ZGPAT: variants seen among roughly 807,000 people sequenced by gnomAD.
The protein encoded by ZGPAT is zinc finger CCCH-type and G-patch domain containing.
Under a neutral mutation model 47.9 loss-of-function variants are expected in ZGPAT, and 39 were observed. The observed-to-expected ratio is 0.81, with a 90% CI of 0.63 to 1.06. The LOEUF (loss-of-function observed/expected upper bound fraction) is 1.06. Ranked by LOEUF, ZGPAT falls within the 50% of genes least tolerant of loss-of-function variation. The probability of loss-of-function intolerance (pLI) is 0.00; values close to 1 mark genes in which losing one functional copy is unlikely to be tolerated. For synonymous variants in ZGPAT, 348 were observed against 292.9 expected (o/e 1.19, Z -1.92); for missense variants, 717 against 681.4 (o/e 1.05, Z -0.58).
In ZGPAT at chr20:63,735,305, G is replaced by A. The variant is rs1601354305; in HGVS notation, c.1138G>A (p.Gly380Arg). Reference sequence around the variant, plus strand: ...CACCAACAAGCCCCCCAGGTGCCGGGGAAGAGGGGCCAGGCCTGGGGGCCG... The same window carrying A: ...CACCAACAAGCCCCCCAGGTGCCGGAGAAGAGGGGCCAGGCCTGGGGGCCG... ...AGTNKPPRCR[G>R]RGARPGGRPA... is the part of the protein sequence containing the mutation. The change falls in exon 6 of 7, where the codon GGA (glycine) becomes AGA (arginine). Residue 380 changes from glycine to arginine, a missense_variant. Coordinates refer to ENST00000355969, the MANE Select transcript of ZGPAT (RefSeq NM_181485.3). 1.3e-6 allele frequency: 2 copies of A among 1,598,192 alleles called. No homozygotes were observed. The highest frequency in any genetic ancestry group is 8.5e-7 in the Non-Finnish European group (1 of 1,172,780).
At chr20:63,730,474 C>T (rs2091886165) in intron 2 of ZGPAT, 1 of 152,280 alleles carries the variant, frequency 6.6e-6, no homozygotes, top group South Asian at 2.1e-4. Context: ...GGCTGAAGGC[C>T]TGTCCTCAGT....
chr20:63,717,279 A>G (rs1309290551), intron 2 of ZGPAT, among the ~76,000 whole-genome samples: 3 of 144,280 alleles, frequency 2.1e-5, no homozygotes, highest in East Asian at 2.0e-4. Context: ...TTTTTCCCCT[A>G]ATTTTTCAAG....
At chr20:63,733,062 ATG>A (rs1258697030) in intron 2 of ZGPAT, among the ~76,000 whole-genome samples, 155 bp from the exon 3 acceptor site, 6 of 151,150 alleles carry the variant, frequency 4.0e-5, no homozygotes, top group East Asian at 1.9e-4. Flanking sequence ...GTGCGTGTGT[ATG>A]TGTGTGCGTG....
intron 2 of ZGPAT, among the ~76,000 whole-genome samples, chr20:63,713,067 GT>G (rs1012509164): frequency 3.4e-4 from 51 of 148,792 alleles, no homozygotes; most frequent in African/African-American, 1.2e-3. Context: ...CTAAGGAATT[GT>G]TTTTCTTTTC....
intron 2 of ZGPAT, among the ~76,000 whole-genome samples, chr20:63,717,346 T>C (rs907302020): frequency 1.2e-4 from 17 of 140,176 alleles, no homozygotes; most frequent in African/African-American, 4.2e-4. Context: ...TTTTTTTTTT[T>C]TTTTTTTTTT....
At chr20:63,712,507 G>C (rs369205224) in intron 2 of ZGPAT, among the ~76,000 whole-genome samples, 4 of 152,148 alleles carry the variant, frequency 2.6e-5, no homozygotes, top group Admixed American at 6.5e-5. Context: ...TTTTAGGATC[G>C]GCTTGTCCAA....
At chr20:63,722,076 G>A (rs566282655) in intron 2 of ZGPAT, among the ~76,000 whole-genome samples, 46 of 151,732 alleles carry the variant, frequency 3.0e-4, no homozygotes, top group Middle Eastern at 6.9e-3. Flanking sequence ...CCAGCCCTGA[G>A]AGAGTTCGAG....
intron 2 of ZGPAT, among the ~76,000 whole-genome samples, chr20:63,714,336 G>A (rs2091703688): frequency 6.6e-6 from 1 of 150,538 alleles, no homozygotes; most frequent in Admixed American, 6.7e-5. Context: ...TGAGACATGA[G>A]AATTGCTTGA....
At chr20:63,720,589 C>T (rs1262186151) in intron 2 of ZGPAT, among the ~76,000 whole-genome samples, 1 of 152,118 alleles carries the variant, frequency 6.6e-6, no homozygotes, top group Non-Finnish European at 1.5e-5. Flanking sequence ...GTAGCTAGAA[C>T]TACAAGCATG....
chr20:63,711,984 G>A (rs151323560), intron 2 of ZGPAT, among the ~76,000 whole-genome samples: 46 of 152,256 alleles, frequency 3.0e-4, no homozygotes, highest in African/African-American at 1.1e-3. Flanking sequence ...TTGATATAGT[G>A]TCCTTTGATG....
upstream of ZGPAT, chr20:63,707,853 A>AGCCTGCGGCCT (rs2091573365): frequency 6.6e-6 from 1 of 152,436 alleles, no homozygotes; most frequent in African/African-American, 2.4e-5. Context: ...CTCACCGCAC[A>AGCCTGCGGCCT]GCCTGCGGCC....
At chr20:63,731,744 G>A (rs6122158) in intron 2 of ZGPAT, among the ~76,000 whole-genome samples, 28,817 of 151,958 alleles carry the variant, frequency 0.19, 3,680 homozygotes, top group East Asian at 0.61. Flanking sequence ...TGTGTAAAGT[G>A]TACAGTTGGC....
intron 2 of ZGPAT, among the ~76,000 whole-genome samples, chr20:63,728,524 C>T (rs187882760): frequency 1.3e-5 from 2 of 152,330 alleles, no homozygotes; most frequent in Admixed American, 1.3e-4. Context: ...TTTCACTTCA[C>T]CCTGGCCTCT....
intron 2 of ZGPAT, among the ~76,000 whole-genome samples, chr20:63,709,797 GCC>G (rs112000427): frequency 1.3e-5 from 2 of 151,990 alleles, no homozygotes; most frequent in African/African-American, 4.8e-5. Context: ...TCCTGCCTCA[GCC>G]CCCCTAGGAG....
chr20:63,710,087 C>T (rs2091648270), intron 2 of ZGPAT, among the ~76,000 whole-genome samples: 1 of 151,860 alleles, frequency 6.6e-6, no homozygotes, highest in African/African-American at 2.4e-5. Flanking sequence ...GTCTCAATCT[C>T]CTGACCTCGT....
intron 2 of ZGPAT, among the ~76,000 whole-genome samples, chr20:63,724,092 A>G (rs527575452): frequency 6.6e-6 from 1 of 151,838 alleles, no homozygotes; most frequent in East Asian, 1.9e-4. Flanking sequence ...GGGACTAGGA[A>G]TGGTGGCTTT....
rs1234140191 is a variant in ZGPAT, at chr20:63,709,094, C to T, written c.514C>T (p.Pro172Ser). The part of the protein sequence containing the change: ...SAGVRVLYLY[P>S]THKSLKPCPF... ...GGGTGTCCGTGTGCTTTACCTGTAC[C>T]CCACTCACAAGTCTCTGAAGCCGTG... The change falls in exon 2 of 7, where the codon CCC becomes TCC. Residue 172 changes from proline (P) to serine (S), a missense_variant. By Grantham distance (74) the Pro-to-Ser change is moderately conservative. Coordinates refer to ENST00000355969, the MANE Select transcript of ZGPAT (RefSeq NM_181485.3). 1 of 1,613,170 alleles carries T rather than the reference C, an allele frequency of 6.2e-7. No homozygotes were observed. The highest frequency in any genetic ancestry group is 2.2e-5 in the East Asian group (1 of 44,890).
chr20:63,735,426 G>A lies in ZGPAT; in HGVS notation c.1259G>A (p.Arg420Lys). ...GCCGGGGCGGCCCCAGCGGGGAGGA[G>A]GAGCAAGGACATGTACCATGCCAGC... ...LEAGAAPAGR[R>K]SKDMYHASKS... Residue 420 changes from arginine (R) to lysine (K), a missense_variant, in exon 6 of 7, where the codon AGG becomes AAG. Physicochemically the swap from Arg to Lys is conservative, Grantham distance 26. Transcript: ENST00000355969. 4.4e-6 allele frequency: 7 copies of A among 1,573,622 alleles called. No individual in the cohort carries two copies. The South Asian group carries it at 7.1e-5, about 16-fold the overall frequency.
intron 2 of ZGPAT, among the ~76,000 whole-genome samples, chr20:63,723,037 A>C (rs1233943171): frequency 6.6e-6 from 1 of 152,096 alleles, no homozygotes; most frequent in Non-Finnish European, 1.5e-5. Context: ...TTCCTCTGAC[A>C]TAGTTCCATC....
Sources: gnomAD v4.1 joint callset for allele counts (sites outside exome capture counted in the v4.1 genomes callset) on GRCh38, gnomAD v4.1.1 for gene constraint, MANE v1.5 for transcripts, NCBI Gene and HGNC (gene_info 2026-07-23, HGNC 2026-07-21) for gene names.